Variants in GRIA3 observed in about 807,000 individuals in gnomAD.
The protein encoded by GRIA3 is glutamate receptor 3.
Under a neutral mutation model 63.0 loss-of-function variants are expected in GRIA3, and 3 were observed. That is an observed-to-expected ratio of 0.05 (90% CI 0.02 to 0.12). The LOEUF (loss-of-function observed/expected upper bound fraction) is 0.12, where lower values mean the gene tolerates loss of function less well. Ranked by LOEUF, GRIA3 falls within the 10% of genes least tolerant of loss-of-function variation. The probability of loss-of-function intolerance (pLI) is 1.00; values close to 1 mark genes in which losing one functional copy is unlikely to be tolerated. For missense variants in GRIA3, 347 were observed against 700.9 expected (o/e 0.50, Z 5.70); for synonymous variants, 274 against 257.9 (o/e 1.06, Z -0.60).
chrX:123,341,210 A>G (rs1016529825), intron 4 of GRIA3, among the ~76,000 whole-genome samples: 13 of 111,915 alleles, frequency 1.2e-4, no homozygotes, highest in African/African-American at 4.2e-4. Flanking sequence ...TCAGAATACA[A>G]TTTCCTTTAA....
rs377553214 is a variant in GRIA3 at position 123,474,687 on chromosome X, T to C, written c.2325-5376T>C. On this transcript the variant is annotated intron_variant, in intron 13 of 15. Coordinates refer to ENST00000620443, the MANE Select transcript of GRIA3 (RefSeq NM_007325.5). Reference sequence around the variant, plus strand: ...ACAGAGCGAGACTCTGTCTCAAAAATAAATAATTAATAAAAATTTAAAAAA... The same window carrying C: ...ACAGAGCGAGACTCTGTCTCAAAAACAAATAATTAATAAAAATTTAAAAAA... 7.3e-5 allele frequency among the ~76,000 whole-genome samples: 8 copies of C among 110,048 alleles called. No individual in the cohort carries two copies. In the East Asian group the frequency reaches 2.0e-3, roughly 27 times the overall value.
At chrX:123,251,926 C>T (rs1020093749) in intron 2 of GRIA3, among the ~76,000 whole-genome samples, 1 of 112,143 alleles carries the variant, frequency 8.9e-6, no homozygotes, top group Non-Finnish European at 1.9e-5. Context: ...AACATAGATT[C>T]GAATCAAATG....
At chrX:123,257,189 C>T (rs2044424373) in intron 3 of GRIA3, among the ~76,000 whole-genome samples, 2 of 111,359 alleles carry the variant, frequency 1.8e-5, no homozygotes, top group South Asian at 3.8e-4. Flanking sequence ...CTATACCTTC[C>T]CAAGCATTTC....
intron 3 of GRIA3, among the ~76,000 whole-genome samples, chrX:123,325,251 T>C (rs962193429): frequency 3.6e-5 from 4 of 111,945 alleles, no homozygotes; most frequent in Non-Finnish European, 7.5e-5. Flanking sequence ...AGATATTTTG[T>C]TCTTCCCAAC....
chrX:123,256,659 T>C (rs989208115), intron 3 of GRIA3, among the ~76,000 whole-genome samples: 8 of 111,981 alleles, frequency 7.1e-5, no homozygotes, highest in African/African-American at 2.3e-4. Flanking sequence ...ATCATAGCCA[T>C]AGAGTATAAA....
chrX:123,290,455 G>C (rs1408391173), intron 3 of GRIA3, among the ~76,000 whole-genome samples: 5 of 111,070 alleles, frequency 4.5e-5, no homozygotes, highest in Non-Finnish European at 9.5e-5. Context: ...TGGAGATATA[G>C]GTTGCTAGGA....
chrX:123,470,396 C>A (rs2045855531), intron 13 of GRIA3, among the ~76,000 whole-genome samples: 1 of 111,886 alleles, frequency 8.9e-6, no homozygotes, highest in African/African-American at 3.2e-5. Context: ...TTGTTTAAAT[C>A]GTTTCAAAAA....
In GRIA3 at chrX:123,368,503, G is replaced by A. The variant is rs188203993; in HGVS notation, c.750+13540G>A. 2.8e-4 allele frequency among the ~76,000 whole-genome samples: 31 copies of A among 111,105 alleles called. No individual in the cohort carries two copies. In the East Asian group the frequency reaches 6.0e-3, roughly 21 times the overall value. On this transcript the variant is annotated intron_variant, in intron 5 of 15. Transcript: ENST00000620443. ...GGAAACCAGGGACTCTAAATTCTCC[G>A]ACATGGTGAACTGTGGGTGGCCATC...
At chrX:123,259,078 G>C (rs1257184796) in intron 3 of GRIA3, among the ~76,000 whole-genome samples, 1 of 112,063 alleles carries the variant, frequency 8.9e-6, no homozygotes, top group Non-Finnish European at 1.9e-5. Flanking sequence ...ACTGTTTCCA[G>C]ATCCACCAAT....
intron 5 of GRIA3, among the ~76,000 whole-genome samples, chrX:123,359,437 G>A (rs913427112): frequency 7.2e-5 from 8 of 111,642 alleles, no homozygotes; most frequent in Non-Finnish European, 1.1e-4. Context: ...CCCTCTTGGA[G>A]TTCAGTTTGG....
At chrX:123,224,105 A>G (rs1348707532) in intron 2 of GRIA3, among the ~76,000 whole-genome samples, 1 of 111,932 alleles carries the variant, frequency 8.9e-6, no homozygotes, top group Non-Finnish European at 1.9e-5. Context: ...ATCTATAACT[A>G]TTTGATACTG....
chrX:123,284,348 A>G (rs2044604912), intron 3 of GRIA3, among the ~76,000 whole-genome samples: 3 of 111,658 alleles, frequency 2.7e-5, no homozygotes. Context: ...TTCAACTCCA[A>G]AGGATCACAA....
At chrX:123,390,072 G>C (rs958867645) in intron 5 of GRIA3, among the ~76,000 whole-genome samples, 8 of 111,426 alleles carry the variant, frequency 7.2e-5, no homozygotes, top group African/African-American at 2.6e-4. Context: ...ATATTTGAAG[G>C]CTCATTTCTG....
intron 13 of GRIA3, among the ~76,000 whole-genome samples, chrX:123,473,195 C>T (rs751264632): frequency 4.0e-4 from 45 of 112,071 alleles, no homozygotes; most frequent in African/African-American, 1.4e-3. Flanking sequence ...ATCCTACATT[C>T]AGGAACCCCT....
Position 123,326,126 on chromosome X carries a change from G to T in GRIA3, c.609G>T (p.Arg203Ser), listed in dbSNP as rs147567539. The stretch of plus-strand genomic sequence containing the variant: ...ACATAAAGGACGTCCAAGAATTCAG[G>T]CGCATCATTGAAGAAATGGACAGGA... ...VGNIKDVQEF[R>S]RIIEEMDRRQ... is the part of the protein sequence containing the mutation. The change falls in exon 4 of 16, where the codon AGG (arginine) becomes AGT (serine). Residue 203 changes from arginine to serine, a missense_variant. Arg to Ser is a moderately radical substitution (Grantham distance 110). Coordinates refer to ENST00000620443, the MANE Select transcript of GRIA3 (RefSeq NM_007325.5). 8.3e-6 allele frequency: 10 copies of T among 1,207,256 alleles called. No homozygotes were observed. Among genetic ancestry groups the T allele is most frequent in the Non-Finnish European group, 1.1e-5 (10 of 891,588 alleles).
chrX:123,196,030 G>A (rs773099438), intron 2 of GRIA3, among the ~76,000 whole-genome samples: 57 of 111,197 alleles, frequency 5.1e-4, no homozygotes, highest in Middle Eastern at 4.6e-3. Flanking sequence ...ATTAATAAGC[G>A]CCCAGCAGAT....
At chrX:123,358,460 G>A (rs961750332) in intron 5 of GRIA3, 3 of 111,748 alleles carry the variant, frequency 2.7e-5, no homozygotes, top group Admixed American at 9.5e-5. Flanking sequence ...ATGCTTTAAC[G>A]AAGACCTCTC....
intron 13 of GRIA3, among the ~76,000 whole-genome samples, chrX:123,468,146 C>A (rs758626055): frequency 1.8e-5 from 2 of 111,619 alleles, no homozygotes; most frequent in Non-Finnish European, 3.8e-5. Flanking sequence ...GCATACCCAA[C>A]GATTGCTTAT....
chrX:123,464,305 C>G (rs1188330132), intron 12 of GRIA3, among the ~76,000 whole-genome samples: 1 of 111,119 alleles, frequency 9.0e-6, no homozygotes, highest in East Asian at 2.8e-4. Context: ...AAATGTACCC[C>G]CTGTGTCTAA....
Sources: allele counts gnomAD v4.1 joint callset (sites outside exome capture counted in the v4.1 genomes callset), GRCh38; gene constraint gnomAD v4.1.1; transcripts MANE v1.5; gene names NCBI Gene and HGNC (gene_info 2026-07-23, HGNC 2026-07-21).